ZFAND3: variants seen among roughly 807,000 people sequenced by gnomAD.
ZFAND3 encodes zinc finger AN1-type containing 3, also known as AN1-type zinc finger protein 3.
In ZFAND3, 10 loss-of-function variants were observed where a neutral mutation model predicts 29.6. The ratio of observed to expected loss-of-function variants is 0.34; its 90% CI spans 0.21 to 0.57. ZFAND3 has a LOEUF of 0.57. Ranked by LOEUF, ZFAND3 falls within the 20% of genes least tolerant of loss-of-function variation. The pLI, the probability that ZFAND3 is intolerant of heterozygous loss-of-function variation, is 0.86. For synonymous variants in ZFAND3, 128 were observed against 112.6 expected (o/e 1.14, Z -0.87); for missense variants, 230 against 304.5 (o/e 0.76, Z 1.82).
At chr6:38,041,684 TCTC>T (rs756624650) in intron 2 of ZFAND3, among the ~76,000 whole-genome samples, 847 of 19,280 alleles carry the variant, frequency 0.044, 69 homozygotes, top group African/African-American at 0.067. Context: ...TTCTTCTTCT[TCTC>T]CTTCTCCTTC....
intron 3 of ZFAND3, among the ~76,000 whole-genome samples, chr6:38,070,502 T>C (rs964264482): frequency 6.6e-6 from 1 of 152,126 alleles, no homozygotes; most frequent in African/African-American, 2.4e-5. Flanking sequence ...TAATATATTT[T>C]AGAGCTCTTT....
chr6:37,933,707 A>G (rs1761638919), intron 2 of ZFAND3, among the ~76,000 whole-genome samples: 1 of 152,164 alleles, frequency 6.6e-6, no homozygotes, highest in Non-Finnish European at 1.5e-5. Context: ...TGGATTTGCT[A>G]AAGACTCGAA....
At chr6:37,873,019 G>A (rs542218164) in intron 1 of ZFAND3, among the ~76,000 whole-genome samples, 2 of 152,344 alleles carry the variant, frequency 1.3e-5, no homozygotes, top group East Asian at 3.9e-4. Context: ...AGCACTTTGG[G>A]AGGCCGAGGT....
intron 5 of ZFAND3, among the ~76,000 whole-genome samples, chr6:38,123,186 G>C (rs1451652647): frequency 3.3e-5 from 5 of 152,192 alleles, no homozygotes; most frequent in African/African-American, 1.2e-4. Context: ...GAGTCAAAAG[G>C]AATATGCATG....
chr6:37,901,099 A>G (rs1765311357), intron 1 of ZFAND3, among the ~76,000 whole-genome samples: 1 of 152,132 alleles, frequency 6.6e-6, no homozygotes, highest in African/African-American at 2.4e-5. Flanking sequence ...CTGTGGTGTT[A>G]GAGGTGAGGG....
At chr6:37,836,481 A>G (rs1763970415) in intron 1 of ZFAND3, among the ~76,000 whole-genome samples, 1 of 152,218 alleles carries the variant, frequency 6.6e-6, no homozygotes, top group Admixed American at 6.5e-5. Context: ...AAGAAATGGC[A>G]GTAGGTTCAT....
intron 2 of ZFAND3, among the ~76,000 whole-genome samples, chr6:38,001,623 C>CT (rs532216059): frequency 1.3e-5 from 2 of 151,494 alleles, no homozygotes; most frequent in South Asian, 2.1e-4. Flanking sequence ...GATGTTAGCA[C>CT]TTTTTTTTTC....
intron 1 of ZFAND3, among the ~76,000 whole-genome samples, chr6:37,898,777 T>A (rs1394916855): frequency 6.6e-6 from 1 of 152,236 alleles, no homozygotes; most frequent in African/African-American, 2.4e-5. Context: ...TTAATTTTTG[T>A]ATGTTGACCT....
intron 1 of ZFAND3, among the ~76,000 whole-genome samples, chr6:37,881,641 C>T (rs1419047127): frequency 6.6e-6 from 1 of 152,014 alleles, no homozygotes; most frequent in Non-Finnish European, 1.5e-5. Flanking sequence ...ATCTCCTTAG[C>T]CAAAAAGTAC....
intron 2 of ZFAND3, among the ~76,000 whole-genome samples, chr6:38,002,135 T>G (rs1473688840): frequency 6.6e-6 from 1 of 152,122 alleles, no homozygotes; most frequent in Admixed American, 6.5e-5. Flanking sequence ...ATACTATAAA[T>G]ATTCATGCGT....
intron 4 of ZFAND3, among the ~76,000 whole-genome samples, chr6:38,092,076 C>T (rs890719075): frequency 2.0e-5 from 3 of 152,206 alleles, no homozygotes; most frequent in Non-Finnish European, 4.4e-5. Context: ...ATTTATTCCT[C>T]ATACCTGTGT....
intron 2 of ZFAND3, among the ~76,000 whole-genome samples, chr6:38,010,637 T>C (rs546176358): frequency 6.6e-6 from 1 of 151,160 alleles, no homozygotes; most frequent in East Asian, 2.0e-4. Context: ...TCTTGCTCTG[T>C]CACCCAGGCT....
intron 1 of ZFAND3, among the ~76,000 whole-genome samples, chr6:37,852,919 T>C (rs1029508198): frequency 6.6e-6 from 1 of 152,006 alleles, no homozygotes; most frequent in Non-Finnish European, 1.5e-5. Context: ...TCTCAAAGGG[T>C]GTCCATTCCC....
At chr6:37,825,560 T>C (rs1448660607) in intron 1 of ZFAND3, among the ~76,000 whole-genome samples, 3 of 152,152 alleles carry the variant, frequency 2.0e-5, no homozygotes, top group African/African-American at 7.2e-5. Flanking sequence ...CTTCTTTCTA[T>C]TGGTTTGAGG....
At chr6:37,968,003 A>G (rs1321764591) in intron 2 of ZFAND3, among the ~76,000 whole-genome samples, 2 of 152,216 alleles carry the variant, frequency 1.3e-5, no homozygotes, top group Admixed American at 1.3e-4. Context: ...CCCTAAAACA[A>G]TTGCCCTGCT....
chr6:37,977,918 TTTCTTCCG>T (rs1335347587), intron 2 of ZFAND3, among the ~76,000 whole-genome samples: 2 of 132,540 alleles, frequency 1.5e-5, no homozygotes, highest in African/African-American at 2.7e-5. Flanking sequence ...CCTTTCTTCC[TTTCTTCCG>T]TTCTTCCTTT....
At chr6:38,011,420 A>G (rs1022723484) in intron 2 of ZFAND3, among the ~76,000 whole-genome samples, 4 of 152,224 alleles carry the variant, frequency 2.6e-5, no homozygotes, top group African/African-American at 9.6e-5. Flanking sequence ...ACAAATTCCC[A>G]TCAGTAGTAC....
At chr6:38,089,863 T>G (rs1169193301) in intron 4 of ZFAND3, among the ~76,000 whole-genome samples, 2 of 152,178 alleles carry the variant, frequency 1.3e-5, no homozygotes, top group Non-Finnish European at 2.9e-5. Flanking sequence ...AAGTTTTGTT[T>G]TTGTTTTTGA....
chr6:37,913,705 A>ATTTTTTTTTTTTTTTT (rs1581756231), intron 1 of ZFAND3, among the ~76,000 whole-genome samples: 3 of 111,646 alleles, frequency 2.7e-5, no homozygotes, highest in Non-Finnish European at 5.9e-5. Context: ...TGGCAGCTAT[A>ATTTTTTTTTTTTTTTT]TTCTTTTTTT....
Sources: gnomAD v4.1 joint callset for allele counts (sites outside exome capture counted in the v4.1 genomes callset) on GRCh38, gnomAD v4.1.1 for gene constraint, MANE v1.5 for transcripts, NCBI Gene and HGNC (gene_info 2026-07-23, HGNC 2026-07-21) for gene names.